Variants in LRP1B observed in about 807,000 individuals in gnomAD.
LRP1B encodes LDL receptor related protein 1B.
LRP1B carries 217 observed loss-of-function variants against 556.6 expected under a neutral mutation model. The ratio of observed to expected loss-of-function variants is 0.39; its 90% CI spans 0.35 to 0.44. The LOEUF (loss-of-function observed/expected upper bound fraction) is 0.44, where lower values mean the gene tolerates loss of function less well. LRP1B is among the 20% of genes least tolerant of loss of function. The probability of loss-of-function intolerance (pLI) is 1.00; values close to 1 mark genes in which losing one functional copy is unlikely to be tolerated. For synonymous variants in LRP1B, 2,047 were observed against 1,865.8 expected, an observed-to-expected ratio of 1.10 and a Z score of -2.50; for missense variants, 5,053 against 5,620.8, an observed-to-expected ratio of 0.90 and a Z score of 3.23.
rs1553439389 is a variant in LRP1B at position 140,285,026 on chromosome 2, G to GTGTGTA, written c.12968-10429_12968-10428insTACACA. On this transcript the variant is annotated intron_variant, in intron 84 of 90. Coordinates refer to ENST00000389484, the MANE Select transcript of LRP1B (RefSeq NM_018557.3). ...TAGATATCTCTCTGTGTGTGTGTGT[G>GTGTGTA]TATATATATATATATATGGATATCT... 1.5e-4 allele frequency among the ~76,000 whole-genome samples: 21 copies of GTGTGTA among 144,658 alleles called. 1 individual carries two copies. In the East Asian group the frequency reaches 4.4e-3, roughly 30 times the overall value. The allele number at this position is 144,658 out of a possible 152,430, so 94.9% of individuals were successfully genotyped here. A position where few individuals can be genotyped will look rare whatever the true frequency, so the allele number is the denominator to read the frequency against.
At chr2:141,853,092 G>T (rs1276892852) in intron 1 of LRP1B, among the ~76,000 whole-genome samples, 1 of 151,510 alleles carries the variant, frequency 6.6e-6, no homozygotes, top group African/African-American at 2.4e-5. Context: ...AAAAGCTCTG[G>T]TGGTTGTTAG....
intron 32 of LRP1B, among the ~76,000 whole-genome samples, chr2:140,806,030 T>C (rs115604900): frequency 0.032 from 4,841 of 151,940 alleles, 117 homozygotes; most frequent in South Asian, 0.059. Flanking sequence ...TGAATGAAAT[T>C]AGTGAACTTA....
chr2:141,578,861 A>G (rs1376328392), intron 2 of LRP1B, among the ~76,000 whole-genome samples: 1 of 152,182 alleles, frequency 6.6e-6, no homozygotes, highest in African/African-American at 2.4e-5. Flanking sequence ...CCAGTGTGTC[A>G]AAATGTAATT....
intron 41 of LRP1B, among the ~76,000 whole-genome samples, chr2:140,637,059 C>T (rs1684094526): frequency 6.6e-6 from 1 of 152,112 alleles, no homozygotes; most frequent in Admixed American, 6.6e-5. Flanking sequence ...AAGTGAAATG[C>T]TGCATTGTAT....
chr2:141,301,480 A>G (rs1686394797), intron 3 of LRP1B, among the ~76,000 whole-genome samples: 2 of 152,326 alleles, frequency 1.3e-5, no homozygotes, highest in South Asian at 4.1e-4. Context: ...CACATACAAT[A>G]AGAGAAAACT....
Position 140,274,604 on chromosome 2 carries a change from A to G in LRP1B, c.12968-6T>C, listed in dbSNP as rs748263597. 3 of 1,590,312 alleles carry G rather than the reference A, an allele frequency of 1.9e-6. No homozygotes were observed. Among genetic ancestry groups the G allele is most frequent in the Admixed American group, 1.7e-5 (1 of 57,396 alleles). On this transcript the variant is annotated splice_polypyrimidine_tract_variant and splice_region_variant and intron_variant, in intron 84 of 90. Coordinates refer to ENST00000389484, the MANE Select transcript of LRP1B (RefSeq NM_018557.3). ...ACAATAGTGGTGGCACACGTCTAGG[A>G]AAAAAAGGCACAACAGAAAAATAAA...
intron 25 of LRP1B, among the ~76,000 whole-genome samples, chr2:140,870,866 T>C (rs1693107909): frequency 6.6e-6 from 1 of 152,138 alleles, no homozygotes; most frequent in African/African-American, 2.4e-5. Context: ...TTATGTCTAT[T>C]TAAGAAAATG....
intron 31 of LRP1B, among the ~76,000 whole-genome samples, chr2:140,820,992 C>T (rs1157938198): frequency 1.4e-5 from 2 of 146,760 alleles, no homozygotes; most frequent in East Asian, 4.0e-4. Flanking sequence ...ATTCTTTTTT[C>T]TAATTTTCCT....
intron 43 of LRP1B, among the ~76,000 whole-genome samples, chr2:140,581,307 G>A (rs973220068): frequency 6.6e-5 from 10 of 152,134 alleles, no homozygotes; most frequent in African/African-American, 2.4e-4. Context: ...GCCTTAAATA[G>A]TATGGTGGTG....
chr2:142,118,415 A>C (rs916615362), intron 1 of LRP1B, among the ~76,000 whole-genome samples: 1 of 152,186 alleles, frequency 6.6e-6, no homozygotes. Flanking sequence ...CTTCACAGCT[A>C]TCTGAATACG....
At chr2:140,638,532 A>G (rs1227372405) in intron 41 of LRP1B, among the ~76,000 whole-genome samples, 1 of 152,190 alleles carries the variant, frequency 6.6e-6, no homozygotes, top group Non-Finnish European at 1.5e-5. Flanking sequence ...ATTCCTAGCA[A>G]CTAACTCTAT....
intron 2 of LRP1B, among the ~76,000 whole-genome samples, chr2:141,793,003 A>G (rs1280400213): frequency 2.0e-5 from 3 of 151,990 alleles, no homozygotes; most frequent in Non-Finnish European, 4.4e-5. Context: ...ACCATTTTAG[A>G]TGCTATCAGC....
intron 2 of LRP1B, among the ~76,000 whole-genome samples, chr2:141,768,738 A>C (rs1694805812): frequency 6.6e-6 from 1 of 152,092 alleles, no homozygotes. Flanking sequence ...ATTGAAAATT[A>C]ATTCTAACAT....
chr2:141,040,554 T>C (rs1698667954), intron 11 of LRP1B, among the ~76,000 whole-genome samples: 2 of 151,972 alleles, frequency 1.3e-5, no homozygotes, highest in South Asian at 4.1e-4. Flanking sequence ...TGTCCTAGGG[T>C]TATTTAGAAT....
chr2:140,927,363 T>C (rs1032674391), intron 20 of LRP1B, among the ~76,000 whole-genome samples: 2 of 152,110 alleles, frequency 1.3e-5, no homozygotes, highest in Admixed American at 6.6e-5. Flanking sequence ...ATGATTAATT[T>C]TCCTGCAGTT....
intron 86 of LRP1B, among the ~76,000 whole-genome samples, chr2:140,264,901 G>T (rs1360910900): frequency 6.6e-6 from 1 of 152,000 alleles, no homozygotes; most frequent in East Asian, 1.9e-4. Flanking sequence ...ACACATTTGG[G>T]TTCAGTGAGC....
At chr2:140,949,887 C>A (rs1176099039) in intron 20 of LRP1B, among the ~76,000 whole-genome samples, 4 of 77,344 alleles carry the variant, frequency 5.2e-5, no homozygotes, top group African/African-American at 2.5e-4. Flanking sequence ...TGCAGTGAGC[C>A]GAGATGGCGC....
intron 1 of LRP1B, among the ~76,000 whole-genome samples, chr2:141,890,390 A>AT (rs375936846): frequency 2.2e-5 from 3 of 135,964 alleles, no homozygotes; most frequent in Non-Finnish European, 4.6e-5. Context: ...ATACATATAT[A>AT]GTGTATATAT....
At chr2:141,416,030 AGT>A (rs1360251908) in intron 3 of LRP1B, among the ~76,000 whole-genome samples, 6 of 152,246 alleles carry the variant, frequency 3.9e-5, no homozygotes, top group African/African-American at 1.2e-4. Context: ...CTAATAGTAG[AGT>A]GATGATAATG....
Sources: allele counts gnomAD v4.1 joint callset (sites outside exome capture counted in the v4.1 genomes callset), GRCh38; gene constraint gnomAD v4.1.1; transcripts MANE v1.5; gene names NCBI Gene and HGNC (gene_info 2026-07-23, HGNC 2026-07-21).